Variants in CGNL1 observed in about 807,000 individuals in gnomAD.
The protein encoded by CGNL1 is cingulin like 1.
In CGNL1, 132 loss-of-function variants were observed where a neutral mutation model predicts 141.2. The observed-to-expected ratio is 0.93, with a 90% CI of 0.81 to 1.08. The LOEUF is 1.08. Ranked by LOEUF, CGNL1 falls within the 50% of genes least tolerant of loss-of-function variation. The pLI is 0.00. For missense variants in CGNL1, 1,870 were observed against 1,588.6 expected (o/e 1.18, Z -3.01); for synonymous variants, 690 against 622.1 (o/e 1.11, Z -1.63).
At chr15:57,416,914 A>G (rs2062855122) in intron 1 of CGNL1, among the ~76,000 whole-genome samples, 2 of 152,156 alleles carry the variant, frequency 1.3e-5, no homozygotes, top group South Asian at 4.1e-4. Flanking sequence ...CAGCTACAAT[A>G]GTAGCTGTTG....
At chr15:57,440,345 C>G (rs12904504) in intron 2 of CGNL1, 32 bp from the exon 3 acceptor site, 117,722 of 1,530,308 alleles carry the variant, frequency 0.077, 5,350 homozygotes, top group South Asian at 0.18. Flanking sequence ...GAACTTCATC[C>G]TCATGGTCTA....
chr15:57,475,357 G>A (rs1437440102), intron 8 of CGNL1, among the ~76,000 whole-genome samples: 1 of 152,086 alleles, frequency 6.6e-6, no homozygotes, highest in African/African-American at 2.4e-5. Context: ...CTGTTACTCC[G>A]TATTAGCCAC....
chr15:57,492,022 G>C (rs1163955534), intron 8 of CGNL1, among the ~76,000 whole-genome samples: 1 of 152,184 alleles, frequency 6.6e-6, no homozygotes, highest in Non-Finnish European at 1.5e-5. Context: ...GGGATCAAGA[G>C]CTGGAAAAGG....
At chr15:57,515,635 A>C (rs1350760692) in intron 8 of CGNL1, among the ~76,000 whole-genome samples, 1 of 152,122 alleles carries the variant, frequency 6.6e-6, no homozygotes, top group African/African-American at 2.4e-5. Context: ...GGGCAGGACC[A>C]TTTCCCATCA....
At chr15:57,510,725 A>G (rs1049528738) in intron 8 of CGNL1, among the ~76,000 whole-genome samples, 3 of 152,186 alleles carry the variant, frequency 2.0e-5, no homozygotes, top group Non-Finnish European at 4.4e-5. Context: ...ATCACCCCAC[A>G]CTGGACTTCT....
chr15:57,452,517 C>T (rs1425464154), intron 6 of CGNL1, among the ~76,000 whole-genome samples: 4 of 152,102 alleles, frequency 2.6e-5, no homozygotes, highest in Non-Finnish European at 4.4e-5. Flanking sequence ...TTGAAGTATA[C>T]GTTACAAAGT....
intron 14 of CGNL1, among the ~76,000 whole-genome samples, chr15:57,540,288 C>T (rs1212292771): frequency 6.6e-6 from 1 of 152,202 alleles, no homozygotes; most frequent in Non-Finnish European, 1.5e-5. Context: ...AGTTGACTCA[C>T]AGTTCAGCAT....
At chr15:57,428,708 A>AG (rs1472422009) in intron 1 of CGNL1, among the ~76,000 whole-genome samples, 2 of 152,106 alleles carry the variant, frequency 1.3e-5, no homozygotes, top group Admixed American at 1.3e-4. Flanking sequence ...AGGAAAAAAA[A>AG]ATGTCTAAAG....
At chr15:57,540,875 G>T (rs1163278773) in intron 14 of CGNL1, among the ~76,000 whole-genome samples, 7 of 152,230 alleles carry the variant, frequency 4.6e-5, no homozygotes, top group African/African-American at 1.7e-4. Flanking sequence ...CCCTTGCCCA[G>T]CACACAAGCG....
intron 1 of CGNL1, among the ~76,000 whole-genome samples, chr15:57,407,457 G>C (rs1414912663): frequency 7.2e-5 from 11 of 152,106 alleles, no homozygotes; most frequent in Non-Finnish European, 1.6e-4. Flanking sequence ...AGGACTGCTT[G>C]AGACCAGGAG....
intron 1 of CGNL1, among the ~76,000 whole-genome samples, chr15:57,437,344 T>C (rs2063117193): frequency 6.6e-6 from 1 of 152,112 alleles, no homozygotes. Context: ...ACTGTCAGTC[T>C]CACAAACAAC....
chr15:57,470,656 G>A (rs1188307132), intron 8 of CGNL1, among the ~76,000 whole-genome samples: 4 of 152,210 alleles, frequency 2.6e-5, no homozygotes, highest in African/African-American at 9.7e-5. Context: ...GCCATCAAAT[G>A]CCTGAGTGTG....
intron 1 of CGNL1, among the ~76,000 whole-genome samples, chr15:57,400,646 G>A (rs2062649691): frequency 6.6e-6 from 1 of 152,022 alleles, no homozygotes; most frequent in African/African-American, 2.4e-5. Context: ...ATTTTGGGAG[G>A]CCAAGGCGGG....
At chr15:57,541,875 G>T (rs574002019) in intron 14 of CGNL1, among the ~76,000 whole-genome samples, 1 of 152,306 alleles carries the variant, frequency 6.6e-6, no homozygotes, top group African/African-American at 2.4e-5. Flanking sequence ...TTTAAAATGT[G>T]AGCATTTTCT....
At chr15:57,465,733 C>A (rs955948109) in intron 8 of CGNL1, among the ~76,000 whole-genome samples, 2 of 152,134 alleles carry the variant, frequency 1.3e-5, no homozygotes, top group South Asian at 4.1e-4. Flanking sequence ...GCAGCCCAAC[C>A]TTCTGTCATC....
intron 6 of CGNL1, 91 bp from the exon 7 acceptor site, chr15:57,453,591 AC>A: frequency 6.7e-7 from 1 of 1,501,068 alleles, no homozygotes; most frequent in Non-Finnish European, 9.0e-7. Flanking sequence ...GGCTTTAGAG[AC>A]TTGTGTAACC....
intron 8 of CGNL1, among the ~76,000 whole-genome samples, chr15:57,488,547 G>T (rs188038439): frequency 1.3e-5 from 2 of 152,112 alleles, no homozygotes; most frequent in Non-Finnish European, 2.9e-5. Flanking sequence ...TCTACTGAAG[G>T]GGGTGCAAGA....
At chr15:57,410,752 AT>A (rs1271121173) in intron 1 of CGNL1, among the ~76,000 whole-genome samples, 53 of 152,346 alleles carry the variant, frequency 3.5e-4, no homozygotes, top group Admixed American at 3.4e-3. Flanking sequence ...TCTCATGCTT[AT>A]GAGGAGTGCC....
intron 2 of CGNL1, 34 bp downstream of exon 2, chr15:57,439,635 T>TC (rs2063160343): frequency 1.3e-6 from 2 of 1,588,098 alleles, no homozygotes; most frequent in Non-Finnish European, 1.7e-6. Context: ...TGGTTTTTTT[T>TC]CTCTTCCTTC....
Sources: allele counts gnomAD v4.1 joint callset (sites outside exome capture counted in the v4.1 genomes callset), GRCh38; gene constraint gnomAD v4.1.1; transcripts MANE v1.5; gene names NCBI Gene and HGNC (gene_info 2026-07-23, HGNC 2026-07-21).